PPEF2: variants seen among roughly 807,000 people sequenced by gnomAD.
The protein encoded by PPEF2 is protein phosphatase with EF-hand domain 2.
PPEF2 carries 84 observed loss-of-function variants against 84.7 expected under a neutral mutation model. That is an observed-to-expected ratio of 0.99 (90% confidence interval 0.83 to 1.19). The LOEUF is 1.19. Ranked by LOEUF, PPEF2 falls within the 50% of genes most tolerant of loss-of-function variation. The pLI, the probability that PPEF2 is intolerant of heterozygous loss-of-function variation, is 0.00. For missense variants in PPEF2, 924 were observed against 937.5 expected (o/e 0.99, Z 0.19); for synonymous variants, 346 against 345.2 (o/e 1.00, Z -0.03).
At chr4:75,889,897 C>T (rs891109130) in intron 5 of PPEF2, 60 bp downstream of exon 5, 54 of 1,561,688 alleles carry the variant, frequency 3.5e-5, no homozygotes, top group East Asian at 4.5e-5. Flanking sequence ...TGCTGGGTTT[C>T]GTCTCCCTTC....
chr4:75,895,364 G>A (rs960380779), intron 2 of PPEF2, among the ~76,000 whole-genome samples: 1 of 151,690 alleles, frequency 6.6e-6, no homozygotes, highest in African/African-American at 2.4e-5. Context: ...AGGAGGCGGA[G>A]GTTGCAGTGA....
chr4:75,878,812 C>G (rs1202119696), intron 10 of PPEF2, among the ~76,000 whole-genome samples: 1 of 152,190 alleles, frequency 6.6e-6, no homozygotes, highest in Non-Finnish European at 1.5e-5. Flanking sequence ...TGGAGTCTCG[C>G]TCTGTCACCA....
At position 75,867,332 on chromosome 4, in the gene PPEF2, C is replaced by T. The variant is rs745576295; in HGVS notation, c.1737G>A (p.Lys579=). 1 of 1,613,492 alleles carries T rather than the reference C, an allele frequency of 6.2e-7. No homozygotes were observed. Among genetic ancestry groups the T allele is most frequent in the East Asian group, 2.2e-5 (1 of 44,858 alleles). The part of the protein sequence containing the change: ...HSSDLLSEFK[K]HDADKVGLIT... ...TCTTACCGACTTTATCTGCATCATG[C>T]TTCTTAAATTCACTGAGAAGATCTG... Residue 579 remains lysine, a synonymous_variant, in exon 14 of 17, where the codon AAG becomes AAA. Coordinates refer to ENST00000286719, the MANE Select transcript of PPEF2 (RefSeq NM_006239.3).
intron 14 of PPEF2, among the ~76,000 whole-genome samples, chr4:75,866,803 T>A (rs1724142813): frequency 6.6e-6 from 1 of 152,218 alleles, no homozygotes; most frequent in South Asian, 2.1e-4. Flanking sequence ...CTGAAACTCT[T>A]GGAAGGCTAC....
At chr4:75,867,075 T>C (rs1388822260) in intron 14 of PPEF2, among the ~76,000 whole-genome samples, 1 of 152,170 alleles carries the variant, frequency 6.6e-6, no homozygotes, top group Non-Finnish European at 1.5e-5. Flanking sequence ...TATCCTTCCC[T>C]GACTCTATTT....
At chr4:75,861,325 C>G (rs1195606740) in intron 16 of PPEF2, among the ~76,000 whole-genome samples, 1 of 151,904 alleles carries the variant, frequency 6.6e-6, no homozygotes, top group Non-Finnish European at 1.5e-5. Context: ...CAAACATATC[C>G]TAATTTATTC....
rs371806117 is a variant in PPEF2 at position 75,890,027 on chromosome 4, C to T, written c.347G>A (p.Gly116Glu). 57 of 1,613,938 alleles carry T rather than the reference C, an allele frequency of 3.5e-5. No individual in the cohort carries two copies. In the Middle Eastern group the frequency reaches 6.6e-4, roughly 19 times the overall value. The change falls in exon 5 of 17, where the codon GGG (glycine) becomes GAG (glutamate). Residue 116 changes from glycine (G) to glutamate (E), a missense_variant. By Grantham distance (98) the Gly-to-Glu change is moderately conservative. Coordinates refer to ENST00000286719, the MANE Select transcript of PPEF2 (RefSeq NM_006239.3). ...ESIEVPDSYT[G>E]PRLSFPLLPD... ...CAGGAGTGGGAAGGAGAGGCGTGGC[C>T]CCGTGTAACTGTCGGGTACCTCTAT...
intron 10 of PPEF2, among the ~76,000 whole-genome samples, chr4:75,877,034 G>GAAAGAAAGAAAGAAAGAAAGAAAGA (rs1560482881): frequency 7.0e-6 from 1 of 143,056 alleles, no homozygotes; most frequent in Non-Finnish European, 1.5e-5. Context: ...AAGAAAGAAA[G>GAAAGAAAGAAAGAAAGAAAGAAAGA]AAAGAAAAGA....
chr4:75,884,916 G>A (rs972926495), intron 7 of PPEF2, 156 bp from the exon 8 acceptor site: 30 of 632,352 alleles, frequency 4.7e-5, no homozygotes, highest in African/African-American at 3.7e-4. Flanking sequence ...AATGATGGAA[G>A]TATCTTCTAT....
At chr4:75,863,417 T>C (rs1422712053) in intron 16 of PPEF2, among the ~76,000 whole-genome samples, 3 of 151,070 alleles carry the variant, frequency 2.0e-5, no homozygotes, top group African/African-American at 7.3e-5. Context: ...GGAGAATCAC[T>C]TGAACCCGGG....
intron 5 of PPEF2, 81 bp downstream of exon 5, chr4:75,889,876 C>T: frequency 6.8e-7 from 1 of 1,479,414 alleles, no homozygotes; most frequent in Non-Finnish European, 9.4e-7. Flanking sequence ...AATCTGGGGC[C>T]ATTCTTTCTG....
At chr4:75,865,387 C>G (rs920502941) in intron 15 of PPEF2, among the ~76,000 whole-genome samples, 1 of 151,632 alleles carries the variant, frequency 6.6e-6, no homozygotes, top group African/African-American at 2.4e-5. Flanking sequence ...GACTTTGGAG[C>G]CTTTCAGATT....
intron 10 of PPEF2, among the ~76,000 whole-genome samples, chr4:75,877,198 G>A (rs373201952): frequency 4.6e-5 from 7 of 150,944 alleles, no homozygotes; most frequent in Non-Finnish European, 5.9e-5. Context: ...TTAGCTGGAC[G>A]TGGTGGTGCA....
chr4:75,866,017 G>A (rs1331831030), intron 15 of PPEF2, among the ~76,000 whole-genome samples, 172 bp downstream of exon 15: 1 of 152,164 alleles, frequency 6.6e-6, no homozygotes, highest in East Asian at 1.9e-4. Context: ...GGCAATGTAT[G>A]AAAACCACTT....
chr4:75,868,650 C>T (rs1243115973), intron 13 of PPEF2, among the ~76,000 whole-genome samples: 1 of 151,840 alleles, frequency 6.6e-6, no homozygotes, highest in Non-Finnish European at 1.5e-5. Context: ...GAGCCAAGAT[C>T]ATGCCACTGC....
rs186986454 is a variant in PPEF2, at chr4:75,888,310, C to G, written c.436G>C (p.Val146Leu). 2.5e-6 allele frequency: 4 copies of G among 1,613,664 alleles called. No homozygotes were observed. The highest frequency in any genetic ancestry group is 3.3e-5 in the Admixed American group (2 of 59,984). ...TTGGTTTCATACAAAAGGTTCAAGA[C>G]GTAGCGAGCATGGAGCTGCTACTGG... ...RLKQQLHARY[V>L]LNLLYETKKH... Residue 146 changes from valine (V) to leucine (L), a missense_variant, in exon 6 of 17, where the codon GTC becomes CTC. Val to Leu is a conservative substitution (Grantham distance 32). Transcript: ENST00000286719.
chr4:75,860,464 G>T lies in PPEF2; in HGVS notation c.*203C>A. ...CTACTTTGTGAAGATTGTGAGGTGG[G>T]GTTGGGGCACTCATATACTTAAAAC... On this transcript the variant is annotated 3_prime_UTR_variant, in exon 17 of 17. Coordinates refer to ENST00000286719, the MANE Select transcript of PPEF2 (RefSeq NM_006239.3). The T allele has an allele frequency of 1.6e-6, 1 of 610,872 alleles. No homozygotes were observed. Among genetic ancestry groups the T allele is most frequent in the Non-Finnish European group, 2.8e-6 (1 of 356,926 alleles). The allele number at this position is 610,872 out of a possible 1,614,324, so 37.8% of individuals were successfully genotyped here. A position where few individuals can be genotyped will look rare whatever the true frequency, so the allele number is the denominator to read the frequency against.
rs896264341 is a variant in PPEF2, at chr4:75,890,248, G to A, written c.242-116C>T. On this transcript the variant is annotated intron_variant, in intron 4 of 16. Coordinates refer to ENST00000286719, the MANE Select transcript of PPEF2 (RefSeq NM_006239.3). ...GCTCTCTAATCCCAGAAATTTGCGG[G>A]GCCAAGGAGGGAGGATTGCTTGAGC... The A allele has an allele frequency of 3.6e-6, 4 of 1,114,080 alleles. No homozygotes were observed. In the African/African-American group the frequency reaches 6.2e-5, roughly 17 times the overall value. The allele number at this position is 1,114,080 out of a possible 1,614,324, so 69.0% of individuals were successfully genotyped here.
At chr4:75,883,852 G>A (rs6532010) in intron 8 of PPEF2, among the ~76,000 whole-genome samples, 6,025 of 148,024 alleles carry the variant, frequency 0.041, 608 homozygotes, top group African/African-American at 0.13. Flanking sequence ...AATCTGGGCT[G>A]GACACGGTGG....
Sources: gnomAD v4.1 joint callset for allele counts (sites outside exome capture counted in the v4.1 genomes callset) on GRCh38, gnomAD v4.1.1 for gene constraint, MANE v1.5 for transcripts, NCBI Gene and HGNC (gene_info 2026-07-23, HGNC 2026-07-21) for gene names.